Variants in FLT1 observed in about 807,000 individuals in gnomAD.
FLT1 encodes the protein fms related receptor tyrosine kinase 1.
In FLT1, 49 loss-of-function variants were observed where a neutral mutation model predicts 156.3. The ratio of observed to expected loss-of-function variants is 0.31; its 90% CI spans 0.25 to 0.40. The LOEUF is 0.40. FLT1 is among the 10% of genes least tolerant of loss of function. FLT1 has a pLI of 1.00. For missense variants in FLT1, 1,322 were observed against 1,637.2 expected, an observed-to-expected ratio of 0.81 and a Z score of 3.32; for synonymous variants, 594 against 583.8, an observed-to-expected ratio of 1.02 and a Z score of -0.25.
At chr13:28,411,122 C>T (rs1381269640) in intron 10 of FLT1, among the ~76,000 whole-genome samples, 1 of 152,060 alleles carries the variant, frequency 6.6e-6, no homozygotes, top group Non-Finnish European at 1.5e-5. Context: ...TGGACAAGGA[C>T]AGGGGCAAGG....
At chr13:28,345,684 CA>C (rs1428436830) in intron 15 of FLT1, 133 bp from the exon 16 acceptor site, 1 of 697,324 alleles carries the variant, frequency 1.4e-6, no homozygotes, top group African/African-American at 1.8e-5. Context: ...GCCACAAAAT[CA>C]GTCTCTGGGA....
chr13:28,311,946 CT>C (rs773210044), intron 26 of FLT1, 46 bp downstream of exon 26: 64 of 1,329,770 alleles, frequency 4.8e-5, no homozygotes, highest in East Asian at 4.8e-4. Context: ...AAATGCCCCC[CT>C]GACGTACATT....
chr13:28,431,041 T>A, intron 7 of FLT1, 95 bp downstream of exon 7: 1 of 1,129,848 alleles, frequency 8.9e-7, no homozygotes, highest in Non-Finnish European at 1.3e-6. Flanking sequence ...ATAATGTAAC[T>A]CTTGGCCAAC....
intron 10 of FLT1, among the ~76,000 whole-genome samples, chr13:28,422,817 C>A (rs1247553646): frequency 6.6e-6 from 1 of 152,176 alleles, no homozygotes. Flanking sequence ...CCTGAGAAAA[C>A]AGTGATCTGC....
chr13:28,375,593 C>G (rs972200870), intron 14 of FLT1, among the ~76,000 whole-genome samples: 3 of 152,240 alleles, frequency 2.0e-5, no homozygotes, highest in Non-Finnish European at 4.4e-5. Context: ...CTTGATTCTG[C>G]AACATAGTCC....
At chr13:28,486,227 T>G (rs1881153310) in intron 1 of FLT1, among the ~76,000 whole-genome samples, 1 of 152,228 alleles carries the variant, frequency 6.6e-6, no homozygotes, top group African/African-American at 2.4e-5. Context: ...TTTGAATTCT[T>G]GGTGTTTCAC....
chr13:28,459,616 C>T (rs1267502948), intron 3 of FLT1, among the ~76,000 whole-genome samples: 1 of 152,224 alleles, frequency 6.6e-6, no homozygotes, highest in Non-Finnish European at 1.5e-5. Flanking sequence ...CCTAAGAAAT[C>T]TATGCCTAAA....
intron 13 of FLT1, chr13:28,389,458 A>AGG: frequency 7.6e-7 from 1 of 1,314,992 alleles, no homozygotes; most frequent in Non-Finnish European, 9.6e-7. Context: ...AAACAGCAAG[A>AGG]GCAACAAACA....
chr13:28,371,014 A>G (rs1394246665), intron 14 of FLT1, among the ~76,000 whole-genome samples: 1 of 152,250 alleles, frequency 6.6e-6, no homozygotes, highest in African/African-American at 2.4e-5. Context: ...TTATGGGAAT[A>G]CAAATCATAT....
chr13:28,366,961 C>A (rs768175674), intron 14 of FLT1, among the ~76,000 whole-genome samples: 1 of 152,086 alleles, frequency 6.6e-6, no homozygotes, highest in East Asian at 1.9e-4. Flanking sequence ...TAGTGCAGGC[C>A]GATAGACAGC....
intron 10 of FLT1, among the ~76,000 whole-genome samples, chr13:28,413,862 A>C (rs140584175): frequency 6.6e-6 from 1 of 152,356 alleles, no homozygotes; most frequent in East Asian, 1.9e-4. Context: ...GTCAGACCTG[A>C]GGTGAAATCA....
chr13:28,479,403 G>T (rs967316562), intron 1 of FLT1, among the ~76,000 whole-genome samples: 1 of 152,126 alleles, frequency 6.6e-6, no homozygotes, highest in Admixed American at 6.6e-5. Flanking sequence ...TGGACATGTT[G>T]ATTAAACTGT....
chr13:28,350,673 C>T (rs1308439418), intron 15 of FLT1, among the ~76,000 whole-genome samples: 1 of 151,948 alleles, frequency 6.6e-6, no homozygotes, highest in Non-Finnish European at 1.5e-5. Flanking sequence ...AAGGAAACAC[C>T]CCAAGCAAAA....
intron 1 of FLT1, among the ~76,000 whole-genome samples, chr13:28,473,644 CAAAAGAAAGAAA>C (rs759219990): frequency 1.2e-4 from 13 of 112,644 alleles, no homozygotes; most frequent in Non-Finnish European, 2.2e-4. Flanking sequence ...GACTATATCT[CAAAAGAAAGAAA>C]GAAAGAAAGA....
At chr13:28,311,836 G>T in intron 26 of FLT1, 104 bp from the exon 27 acceptor site, 2 of 1,358,588 alleles carry the variant, frequency 1.5e-6, no homozygotes, top group Non-Finnish European at 2.1e-6. Context: ...AATCTTGGTT[G>T]TGTTTTGAGA....
chr13:28,315,998 A>C (rs1024161270), intron 25 of FLT1, among the ~76,000 whole-genome samples: 1 of 152,222 alleles, frequency 6.6e-6, no homozygotes, highest in East Asian at 1.9e-4. Flanking sequence ...GGGAACTTCA[A>C]ATGAGACTAT....
chr13:28,431,418 T>C (rs1877675937), intron 6 of FLT1, 108 bp from the exon 7 acceptor site: 1 of 798,824 alleles, frequency 1.3e-6, no homozygotes, highest in East Asian at 2.6e-5. Flanking sequence ...GCTTCTGTTT[T>C]ATACTAAGAA....
intron 11 of FLT1, among the ~76,000 whole-genome samples, chr13:28,404,010 C>A (rs1375850193): frequency 6.6e-6 from 1 of 150,442 alleles, no homozygotes; most frequent in Non-Finnish European, 1.5e-5. Flanking sequence ...CCACTGCACT[C>A]CAGCCTGAGC....
At chr13:28,428,899 T>C (rs1476481164) in intron 8 of FLT1, among the ~76,000 whole-genome samples, 1 of 152,236 alleles carries the variant, frequency 6.6e-6, no homozygotes, top group Non-Finnish European at 1.5e-5. Context: ...TGCTACACTT[T>C]GTGATTACAA....
Sources: gnomAD v4.1 joint callset for allele counts (sites outside exome capture counted in the v4.1 genomes callset) on GRCh38, gnomAD v4.1.1 for gene constraint, MANE v1.5 for transcripts, NCBI Gene and HGNC (gene_info 2026-07-23, HGNC 2026-07-21) for gene names.